Variants in NPFFR1 observed in about 807,000 individuals in gnomAD.
NPFFR1 encodes G-protein coupled receptor 147.
Under a neutral mutation model 12.7 loss-of-function variants are expected in NPFFR1, and 17 were observed. The ratio of observed to expected loss-of-function variants is 1.34; its 90% CI spans 0.92 to 2.01. NPFFR1 has a LOEUF of 2.01. NPFFR1 is among the 30% of genes most tolerant of loss of function. The pLI is 0.00. For synonymous variants in NPFFR1, 296 were observed against 264.5 expected, an observed-to-expected ratio of 1.12 and a Z score of -1.16; for missense variants, 604 against 606.5, an observed-to-expected ratio of 1.00 and a Z score of 0.04.
rs1840466736 is a variant in NPFFR1, at chr10:70,248,026, TGGCTGGCTG to T, written c.*6922_*6930del. 6.6e-6 allele frequency: 1 copy of T among 152,240 alleles called. No individual in the cohort carries two copies. The highest frequency in any genetic ancestry group is 2.4e-5 in the African/African-American group (1 of 41,460). The allele number at this position is 152,240 out of a possible 1,614,324, so 9.4% of individuals were successfully genotyped here. A position where few individuals can be genotyped will look rare whatever the true frequency, so the allele number is the denominator to read the frequency against. On this transcript the variant is annotated 3_prime_UTR_variant, in exon 4 of 4. Coordinates refer to ENST00000277942, the MANE Select transcript of NPFFR1 (RefSeq NM_022146.5). Reference sequence around the variant, plus strand: ...GGCCAAAACAGCAGCCTGGAGCCTGTGGCTGGCTGGTTTTATTTTTAGGATTATGGGAGA... The same window carrying T: ...GGCCAAAACAGCAGCCTGGAGCCTGTGTTTTATTTTTAGGATTATGGGAGA...
intron 2 of NPFFR1, among the ~76,000 whole-genome samples, chr10:70,261,563 T>A (rs1443435247): frequency 6.6e-6 from 1 of 152,232 alleles, no homozygotes; most frequent in African/African-American, 2.4e-5. Context: ...TTCTTTATGT[T>A]GACCAGTGAT....
chr10:70,272,166 A>G (rs1367957885), intron 1 of NPFFR1, among the ~76,000 whole-genome samples: 1 of 123,750 alleles, frequency 8.1e-6, no homozygotes, highest in Non-Finnish European at 1.7e-5. Flanking sequence ...AGAGAGAGAA[A>G]GAAAGAAAGA....
intron 1 of NPFFR1, among the ~76,000 whole-genome samples, chr10:70,279,121 G>A (rs1223446488): frequency 6.6e-6 from 1 of 152,072 alleles, no homozygotes; most frequent in Non-Finnish European, 1.5e-5. Context: ...CTGAAATTTA[G>A]TTTTTGTTTT....
In NPFFR1 at chr10:70,255,707, G is replaced by A. The variant is rs759542565; in HGVS notation, c.543C>T (p.Thr181=). 2 of 1,607,848 alleles carry A rather than the reference G, an allele frequency of 1.2e-6. No individual in the cohort carries two copies. The highest frequency in any genetic ancestry group is 1.1e-5 in the South Asian group (1 of 89,744). Residue 181 remains threonine (T), a synonymous_variant, in exon 4 of 4, where the codon ACC becomes ACT. Coordinates refer to ENST00000277942, the MANE Select transcript of NPFFR1 (RefSeq NM_022146.5). This position sits in a 1 kb window ranked among gnomAD's most constrained non-coding sequence, Gnocchi z 4.2. ...TGAAGTGGTGCTCCTCACGGGTGAC[G>A]GTCAGCGTGACGGCCGAGGGACACA... ...LIMCPSAVTL[T]VTREEHHFMV... is the part of the protein sequence containing the mutation.
intron 1 of NPFFR1, among the ~76,000 whole-genome samples, chr10:70,270,531 T>C (rs1009977761): frequency 5.3e-5 from 8 of 152,216 alleles, no homozygotes; most frequent in African/African-American, 1.9e-4. Flanking sequence ...TCTTCCGAAG[T>C]CTGTCCTGAG....
chr10:70,267,984 T>C (rs1330926591), intron 1 of NPFFR1, among the ~76,000 whole-genome samples: 1 of 152,204 alleles, frequency 6.6e-6, no homozygotes, highest in Non-Finnish European at 1.5e-5. Flanking sequence ...CCAACTGTAC[T>C]CAAACATCTT....
At chr10:70,256,330 C>T (rs181623100) in intron 3 of NPFFR1, among the ~76,000 whole-genome samples, 4 of 152,374 alleles carry the variant, frequency 2.6e-5, no homozygotes, top group East Asian at 1.9e-4. Context: ...TATCCTCCGG[C>T]CTCGGCCTCC....
At chr10:70,262,780 T>C (rs1157277591) in intron 2 of NPFFR1, among the ~76,000 whole-genome samples, 1 of 152,208 alleles carries the variant, frequency 6.6e-6, no homozygotes, top group Non-Finnish European at 1.5e-5. Flanking sequence ...TTTCTGTTAG[T>C]ATACGTATAT....
Position 70,248,467 on chromosome 10 carries a change from G to GTTTTTTGTTT in NPFFR1, c.*6489_*6490insAAACAAAAAA, listed in dbSNP as rs1840473486. ...CAAAGTACGTAGTACTATGCCTGGC[G>GTTTTTTGTTT]TTTTTTTTTTGTTTTTTGTTTTTTT... On this transcript the variant is annotated 3_prime_UTR_variant, in exon 4 of 4. Transcript: ENST00000277942. The GTTTTTTGTTT allele has an allele frequency of 1.0e-5, 1 of 96,740 alleles. No homozygotes were observed. The highest frequency in any genetic ancestry group is 4.0e-5 in the African/African-American group (1 of 24,706). 6.0% of individuals were successfully genotyped at this position (96,740 alleles called of 1,614,324 possible).
intron 1 of NPFFR1, among the ~76,000 whole-genome samples, chr10:70,279,091 A>AT (rs2136811078): frequency 6.6e-6 from 1 of 152,300 alleles, no homozygotes; most frequent in South Asian, 2.1e-4. Flanking sequence ...AATACTTAAC[A>AT]TTTTTTGTGG....
Position 70,251,433 on chromosome 10 carries a change from C to A in NPFFR1, c.*3524G>T, listed in dbSNP as rs780131314. ...GACTGTGGTTTGTGGGGTGCAGGCCCGGCATCCGCCTCCAGCTCACATTGG... is the reference window on the plus strand; with the variant it reads ...GACTGTGGTTTGTGGGGTGCAGGCCAGGCATCCGCCTCCAGCTCACATTGG... On this transcript the variant is annotated 3_prime_UTR_variant, in exon 4 of 4. Coordinates refer to ENST00000277942, the MANE Select transcript of NPFFR1 (RefSeq NM_022146.5). 2 of 152,916 alleles carry A rather than the reference C, an allele frequency of 1.3e-5. No individual in the cohort carries two copies. The highest frequency in any genetic ancestry group is 4.8e-5 in the African/African-American group (2 of 41,484). 9.5% of individuals were successfully genotyped at this position (152,916 alleles called of 1,614,324 possible). A position where few individuals can be genotyped will look rare whatever the true frequency, so the allele number is the denominator to read the frequency against.
intron 1 of NPFFR1, among the ~76,000 whole-genome samples, chr10:70,274,810 TG>T (rs898201702): frequency 6.6e-6 from 1 of 152,248 alleles, no homozygotes; most frequent in Admixed American, 6.5e-5. Context: ...ATTAGCTATC[TG>T]CCAGGCAGCT....
At chr10:70,264,028 G>T (rs546901616) in intron 2 of NPFFR1, among the ~76,000 whole-genome samples, 1 of 152,102 alleles carries the variant, frequency 6.6e-6, no homozygotes, top group South Asian at 2.1e-4. Context: ...TGAGACTGCA[G>T]TAAGCCATGA....
intron 1 of NPFFR1, among the ~76,000 whole-genome samples, chr10:70,277,481 C>T (rs1840815834): frequency 6.6e-6 from 1 of 152,206 alleles, no homozygotes; most frequent in Non-Finnish European, 1.5e-5. Flanking sequence ...AGGAGCATTT[C>T]CAAGGAGCAT....
chr10:70,267,019 G>T (rs541965006), intron 1 of NPFFR1, among the ~76,000 whole-genome samples: 1 of 152,288 alleles, frequency 6.6e-6, no homozygotes, highest in East Asian at 1.9e-4. Flanking sequence ...TTTCTGGCTG[G>T]TTCTCTTAAC....
In NPFFR1 at chr10:70,251,270, CT is replaced by C; in HGVS notation, c.*3686del. 1 of 152,380 alleles carries C rather than the reference CT, an allele frequency of 6.6e-6. No individual in the cohort carries two copies. Among genetic ancestry groups the C allele is most frequent in the Non-Finnish European group, 1.5e-5 (1 of 68,066 alleles). 9.4% of individuals were successfully genotyped at this position (152,380 alleles called of 1,614,324 possible). A position where few individuals can be genotyped will look rare whatever the true frequency, so the allele number is the denominator to read the frequency against. Reference sequence around the variant, plus strand: ...AGCTCTGGGCTTGGCTCTCGCCTTGCTTTTTGGATGAATACACAGTAGACTA... The same window carrying C: ...AGCTCTGGGCTTGGCTCTCGCCTTGCTTTTGGATGAATACACAGTAGACTA... On this transcript the variant is annotated 3_prime_UTR_variant, in exon 4 of 4. Coordinates refer to ENST00000277942, the MANE Select transcript of NPFFR1 (RefSeq NM_022146.5).
Position 70,255,103 on chromosome 10 carries a change from G to C in NPFFR1, c.1147C>G (p.Leu383Val), listed in dbSNP as rs764707343. The C allele has an allele frequency of 6.7e-7, 1 of 1,486,958 alleles. No homozygotes were observed. 92.1% of individuals were successfully genotyped at this position (1,486,958 alleles called of 1,614,324 possible). A position where few individuals can be genotyped will look rare whatever the true frequency, so the allele number is the denominator to read the frequency against. Reference sequence around the variant, plus strand: ...CTGCTAGGGCCCGACTCAGAGGGCAGCCCGGAGTCGCTGGGCCGCACCACC... The same window carrying C: ...CTGCTAGGGCCCGACTCAGAGGGCACCCCGGAGTCGCTGGGCCGCACCACC... ...FVVVRPSDSG[L>V]PSESGPSSGA... The change falls in exon 4 of 4, where the codon CTG (leucine) becomes GTG (valine). Residue 383 changes from leucine (L) to valine (V), a missense_variant. Leu to Val is a conservative substitution (Grantham distance 32). Transcript: ENST00000277942. The surrounding 1 kb of genome is among the most constrained non-coding windows in gnomAD (Gnocchi z 4.2).
At chr10:70,283,161 A>C (rs1840879535) in intron 1 of NPFFR1, among the ~76,000 whole-genome samples, 1 of 151,452 alleles carries the variant, frequency 6.6e-6, no homozygotes, top group African/African-American at 2.4e-5. Flanking sequence ...TGTCTTGTAC[A>C]TGCACACACA....
At chr10:70,263,791 C>T (rs1840658996) in intron 2 of NPFFR1, among the ~76,000 whole-genome samples, 1 of 151,568 alleles carries the variant, frequency 6.6e-6, no homozygotes, top group Admixed American at 6.6e-5. Flanking sequence ...AAAAACAAAA[C>T]CAACACAAAA....
Sources: gnomAD v4.1 joint callset for allele counts (sites outside exome capture counted in the v4.1 genomes callset) on GRCh38, gnomAD v4.1.1 for gene constraint, Gnocchi (gnomAD v3.1) non-coding constraint, MANE v1.5 for transcripts, NCBI Gene and HGNC (gene_info 2026-07-23, HGNC 2026-07-21) for gene names.